The following ERBB4 variants were observed in gnomAD, a reference collection of about 807,000 sequenced individuals.
ERBB4 encodes erb-b2 receptor tyrosine kinase 4.
ERBB4 carries 42 observed loss-of-function variants against 158.0 expected under a neutral mutation model. The observed-to-expected ratio is 0.27, with a 90% confidence interval of 0.21 to 0.34. ERBB4 has a LOEUF of 0.34. Among genes scored for constraint, ERBB4 ranks in the 10% least tolerant of loss-of-function variants. ERBB4 has a pLI of 1.00. For missense variants in ERBB4, 1,333 were observed against 1,624.1 expected (o/e 0.82, Z 3.08); for synonymous variants, 583 against 558.7 (o/e 1.04, Z -0.61).
intron 1 of ERBB4, among the ~76,000 whole-genome samples, chr2:212,309,179 G>C (rs1427671247): frequency 6.6e-6 from 1 of 150,814 alleles, no homozygotes; most frequent in Non-Finnish European, 1.5e-5. Flanking sequence ...TAAATATCTT[G>C]ATAAGTTAAC....
chr2:211,392,067 C>T (rs2125330790), intron 25 of ERBB4, among the ~76,000 whole-genome samples: 1 of 152,240 alleles, frequency 6.6e-6, no homozygotes, highest in Admixed American at 6.5e-5. Context: ...TCCATCAGCA[C>T]TAATTTATTA....
intron 15 of ERBB4, among the ~76,000 whole-genome samples, chr2:211,659,892 G>T (rs2071354204): frequency 6.6e-6 from 1 of 152,186 alleles, no homozygotes; most frequent in Non-Finnish European, 1.5e-5. Flanking sequence ...GTTCATGGTA[G>T]TGTGGAGGGC....
chr2:211,571,020 C>A (rs1024195636), intron 19 of ERBB4, among the ~76,000 whole-genome samples: 6 of 147,986 alleles, frequency 4.1e-5, no homozygotes, highest in Non-Finnish European at 7.4e-5. Context: ...CCTGATTTTT[C>A]ACTCTCTGAG....
intron 25 of ERBB4, among the ~76,000 whole-genome samples, chr2:211,392,641 C>T (rs2062826341): frequency 6.6e-6 from 1 of 150,610 alleles, no homozygotes; most frequent in Admixed American, 6.7e-5. Context: ...GAAATATTGA[C>T]TTGGGCTCTT....
chr2:212,228,374 C>T (rs1461472282), intron 1 of ERBB4, among the ~76,000 whole-genome samples: 1 of 152,114 alleles, frequency 6.6e-6, no homozygotes, highest in Non-Finnish European at 1.5e-5. Context: ...AGAACTCACC[C>T]TGTATACACA....
chr2:211,688,962 A>G (rs2072688221), intron 12 of ERBB4, among the ~76,000 whole-genome samples: 1 of 152,110 alleles, frequency 6.6e-6, no homozygotes, highest in Admixed American at 6.6e-5. Context: ...TCCATGTCTT[A>G]AATATTTATT....
chr2:211,934,781 G>C (rs548734268), intron 3 of ERBB4, among the ~76,000 whole-genome samples: 1 of 151,876 alleles, frequency 6.6e-6, no homozygotes, highest in African/African-American at 2.4e-5. Flanking sequence ...TTAGTTCCCT[G>C]TGTCTGTAGA....
intron 1 of ERBB4, among the ~76,000 whole-genome samples, chr2:212,244,735 A>G (rs1295634189): frequency 6.6e-6 from 1 of 152,128 alleles, no homozygotes; most frequent in Non-Finnish European, 1.5e-5. Context: ...TATCTTCTAC[A>G]GTCTGGTTTA....
chr2:212,236,480 T>C (rs912638483), intron 1 of ERBB4, among the ~76,000 whole-genome samples: 1 of 152,218 alleles, frequency 6.6e-6, no homozygotes, highest in Non-Finnish European at 1.5e-5. Context: ...GCTGGCCTCA[T>C]AAAATCAATC....
At chr2:212,172,754 G>T (rs1490630896) in intron 1 of ERBB4, among the ~76,000 whole-genome samples, 1 of 152,012 alleles carries the variant, frequency 6.6e-6, no homozygotes, top group Admixed American at 6.6e-5. Flanking sequence ...ACAAATGGGG[G>T]TGGAAAAACT....
At chr2:212,234,743 CT>C (rs2083794129) in intron 1 of ERBB4, among the ~76,000 whole-genome samples, 1 of 152,126 alleles carries the variant, frequency 6.6e-6, no homozygotes, top group African/African-American at 2.4e-5. Context: ...TGATGATGAG[CT>C]TTTTTCATAT....
At chr2:211,754,724 G>C (rs191126290) in intron 4 of ERBB4, among the ~76,000 whole-genome samples, 1 of 145,632 alleles carries the variant, frequency 6.9e-6, no homozygotes, top group Non-Finnish European at 1.5e-5. Flanking sequence ...TTTTGAGACA[G>C]AGTTTTGCTC....
chr2:211,511,870 A>G (rs1212886430), intron 20 of ERBB4, among the ~76,000 whole-genome samples: 1 of 152,058 alleles, frequency 6.6e-6, no homozygotes, highest in East Asian at 1.9e-4. Context: ...TGGATCCATA[A>G]TCCTTTAAAA....
At chr2:212,519,505 CAG>C (rs1273817183) in intron 1 of ERBB4, among the ~76,000 whole-genome samples, 1 of 151,072 alleles carries the variant, frequency 6.6e-6, no homozygotes, top group African/African-American at 2.4e-5. Context: ...GTCATGAACA[CAG>C]GGAGGGGAAC....
At chr2:212,146,195 G>C (rs961092590) in intron 1 of ERBB4, among the ~76,000 whole-genome samples, 2 of 152,142 alleles carry the variant, frequency 1.3e-5, no homozygotes, top group African/African-American at 4.8e-5. Flanking sequence ...TAAATATTTA[G>C]TGTTTCAGTT....
chr2:211,406,310 A>G (rs1219839914), intron 25 of ERBB4, among the ~76,000 whole-genome samples: 1 of 152,198 alleles, frequency 6.6e-6, no homozygotes, highest in Non-Finnish European at 1.5e-5. Context: ...AGATACCTAA[A>G]TAAATGTTTG....
At chr2:212,356,117 T>A (rs775285570) in intron 1 of ERBB4, among the ~76,000 whole-genome samples, 7 of 152,046 alleles carry the variant, frequency 4.6e-5, no homozygotes, top group African/African-American at 1.2e-4. Context: ...ATAAAAGCAA[T>A]TGATCTTTTC....
At chr2:211,694,742 G>A (rs142715160) in intron 12 of ERBB4, among the ~76,000 whole-genome samples, 21 of 152,002 alleles carry the variant, frequency 1.4e-4, no homozygotes, top group East Asian at 9.7e-4. Flanking sequence ...GAAATCTGTC[G>A]CAGAATTCAT....
intron 3 of ERBB4, among the ~76,000 whole-genome samples, chr2:211,830,171 T>C (rs1244440518): frequency 1.3e-5 from 2 of 152,232 alleles, no homozygotes; most frequent in Non-Finnish European, 1.5e-5. Context: ...ATTTGTTTAC[T>C]TATTGACTAG....
Sources: gnomAD v4.1 joint callset for allele counts (sites outside exome capture counted in the v4.1 genomes callset) on GRCh38, gnomAD v4.1.1 for gene constraint, MANE v1.5 for transcripts, NCBI Gene and HGNC (gene_info 2026-07-23, HGNC 2026-07-21) for gene names.